Variants in RCL1 observed in about 807,000 individuals in gnomAD.
RCL1 encodes the protein RNA terminal phosphate cyclase like 1, also known as RNA 3'-terminal phosphate cyclase-like protein.
Under a neutral mutation model 42.4 loss-of-function variants are expected in RCL1, and 24 were observed. The ratio of observed to expected loss-of-function variants is 0.57; its 90% CI spans 0.41 to 0.80. The LOEUF (loss-of-function observed/expected upper bound fraction) is 0.80. Ranked by LOEUF, RCL1 falls within the 30% of genes least tolerant of loss-of-function variation. RCL1 has a pLI of 0.00. For synonymous variants in RCL1, 228 were observed against 177.3 expected, an observed-to-expected ratio of 1.29 and a Z score of -2.27; for missense variants, 578 against 467.9, an observed-to-expected ratio of 1.24 and a Z score of -2.17.
At chr9:4,796,118 C>G (rs1842909849) in intron 1 of RCL1, among the ~76,000 whole-genome samples, 1 of 152,090 alleles carries the variant, frequency 6.6e-6, no homozygotes, top group South Asian at 2.1e-4. Flanking sequence ...GTCGGGGGTA[C>G]ATGTGCATGT....
At chr9:4,808,426 G>C (rs1816056380) in intron 1 of RCL1, among the ~76,000 whole-genome samples, 1 of 151,894 alleles carries the variant, frequency 6.6e-6, no homozygotes, top group South Asian at 2.1e-4. Flanking sequence ...TCCTATTTCA[G>C]CCTCCCAAGT....
At chr9:4,834,578 A>C (rs1443371616) in intron 5 of RCL1, among the ~76,000 whole-genome samples, 1 of 151,146 alleles carries the variant, frequency 6.6e-6, no homozygotes, top group East Asian at 1.9e-4. Flanking sequence ...AATATACTGC[A>C]GTTCCTCCCT....
rs1818134961 is a variant in RCL1 at position 4,860,448 on chromosome 9, A to G, written c.*173A>G. ...GACATCCCTGTAGCATATGGTTTCC[A>G]GCTGTTTCTCCAGTGGCATTGCCAT... On this transcript the variant is annotated 3_prime_UTR_variant, in exon 9 of 9. Transcript: ENST00000381750. The G allele has an allele frequency of 1.4e-6, 1 of 726,386 alleles. No individual in the cohort carries two copies. Among genetic ancestry groups the G allele is most frequent in the South Asian group, 2.4e-5 (1 of 42,088 alleles). 45.0% of individuals were successfully genotyped at this position (726,386 alleles called of 1,614,324 possible). A position where few individuals can be genotyped will look rare whatever the true frequency, so the allele number is the denominator to read the frequency against.
Position 4,844,522 on chromosome 9 carries a change from C to T in RCL1, c.711-3C>T. 6.2e-7 allele frequency: 1 copy of T among 1,608,642 alleles called. No homozygotes were observed. The highest frequency in any genetic ancestry group is 8.5e-7 in the Non-Finnish European group (1 of 1,177,278). On this transcript the variant is annotated splice_region_variant and splice_polypyrimidine_tract_variant and intron_variant, in intron 6 of 8. Coordinates refer to ENST00000381750, the MANE Select transcript of RCL1 (RefSeq NM_005772.5). ...CTCAGTGTTTGTGCCTTTGTATCTC[C>T]AGGTCTCCGGGCTTTGGGTTGTCAC... is the stretch of plus-strand genomic sequence containing the variant.
intron 5 of RCL1, among the ~76,000 whole-genome samples, chr9:4,837,650 C>T (rs1817184884): frequency 6.6e-6 from 1 of 152,090 alleles, no homozygotes; most frequent in South Asian, 2.1e-4. Context: ...TGGTCGTGTC[C>T]TTTGATGATG....
At chr9:4,828,021 C>T (rs1816823088) in intron 3 of RCL1, among the ~76,000 whole-genome samples, 1 of 151,970 alleles carries the variant, frequency 6.6e-6, no homozygotes, top group African/African-American at 2.4e-5. Flanking sequence ...CCCGTCTCTA[C>T]TAAAAATACA....
chr9:4,849,543 C>G lies in RCL1; in HGVS notation c.964C>G (p.Pro322Ala). Residue 322 changes from proline (P) to alanine (A), a missense_variant, in exon 8 of 9, where the codon CCC becomes GCC. Transcript: ENST00000381750. The part of the protein sequence containing the change: ...VSKVLLGPLS[P>A]YTIEFLRHLK... ...CAAAGTCCTGCTAGGCCCTCTCTCT[C>G]CCTACACGTAAGTTATTCTTTTTCA... 6.2e-7 allele frequency: 1 copy of G among 1,609,308 alleles called. No individual in the cohort carries two copies. The highest frequency in any genetic ancestry group is 1.7e-4 in the Middle Eastern group (1 of 6,054).
At chr9:4,806,026 GTGTGTGTGTGTGTGTGTGTT>G (rs915527967) in intron 1 of RCL1, among the ~76,000 whole-genome samples, 1 of 134,710 alleles carries the variant, frequency 7.4e-6, no homozygotes, top group East Asian at 2.1e-4. Flanking sequence ...GGGTGTGTGT[GTGTGTGTGTGTGTGTGTGTT>G]TGTGTGTGTG....
chr9:4,798,112 A>G lies in RCL1; in HGVS notation c.136+4885A>G, dbSNP rs140651297. Among the ~76,000 whole-genome samples, 555 of 152,328 alleles carry G rather than the reference A, an allele frequency of 3.6e-3. 4 individuals are homozygous for G. Among genetic ancestry groups the G allele is most frequent in the African/African-American group, 0.013 (521 of 41,574 alleles). On this transcript the variant is annotated intron_variant, in intron 1 of 8. Transcript: ENST00000381750. The stretch of plus-strand genomic sequence containing the variant: ...CGTGTAGTGAGGGACAGAGCTGGAA[A>G]GAGAATGTGGCCAGCTCCTGCCTGA...
intron 1 of RCL1, among the ~76,000 whole-genome samples, chr9:4,812,144 C>T (rs1483007194): frequency 6.6e-6 from 1 of 151,998 alleles, no homozygotes; most frequent in Non-Finnish European, 1.5e-5. Flanking sequence ...AGCTTCACTC[C>T]AATGGTTTCC....
intron 1 of RCL1, 131 bp downstream of exon 1, chr9:4,793,358 C>A: frequency 2.9e-6 from 3 of 1,027,150 alleles, no homozygotes; most frequent in Non-Finnish European, 3.9e-6. Context: ...GGGCAGGTGG[C>A]GCGTCGCCTC....
rs188001776 is a variant in RCL1, at chr9:4,799,786, T to A, written c.136+6559T>A. Among the ~76,000 whole-genome samples, 240 of 152,222 alleles carry A rather than the reference T, an allele frequency of 1.6e-3. No individual in the cohort carries two copies. The Middle Eastern group carries it at 0.017, about 11-fold the overall frequency. ...TATTTTTTGTCACTACCTCCCTGGG[T>A]TGGGAGTGGGTAATTTGCATGCTTG... On this transcript the variant is annotated intron_variant, in intron 1 of 8. Transcript: ENST00000381750.
rs75298111 is a variant in RCL1 at position 4,834,459 on chromosome 9, G to A, written c.584+194G>A. On this transcript the variant is annotated intron_variant, in intron 5 of 8. Coordinates refer to ENST00000381750, the MANE Select transcript of RCL1 (RefSeq NM_005772.5). Reference sequence around the variant, plus strand: ...TTATCTGCCTCACCATGACTAGATTGATTGAGTCATTCTTTTTTTTTTTTT... The same window carrying A: ...TTATCTGCCTCACCATGACTAGATTAATTGAGTCATTCTTTTTTTTTTTTT... 1.4e-3 allele frequency among the ~76,000 whole-genome samples: 206 copies of A among 143,898 alleles called. 4 individuals are homozygous for A. In the East Asian group the frequency reaches 0.037, roughly 26 times the overall value. The allele number at this position is 143,898 out of a possible 152,430, so 94.4% of individuals were successfully genotyped here.
chr9:4,827,387 A>C, intron 3 of RCL1: 1 of 712,234 alleles, frequency 1.4e-6, no homozygotes, highest in Non-Finnish European at 2.2e-6. Context: ...GCTGGAGGGC[A>C]GCTGACCAAA....
In RCL1 at chr9:4,844,617, C is replaced by T. The variant is rs762931555; in HGVS notation, c.803C>T (p.Ala268Val). ...GCCTCCAACCCCCAGGGCCAGGGAG[C>T]AGCAGTACTTCCAGAGGACCTTGGC... is the stretch of plus-strand genomic sequence containing the variant. ...ELASNPQGQGAAVLPEDLGRN... is the reference protein window; with the variant it reads ...ELASNPQGQGVAVLPEDLGRN... Residue 268 changes from alanine to valine, a missense_variant, in exon 7 of 9, where the codon GCA becomes GTA. By Grantham distance (64) the Ala-to-Val change is moderately conservative. Transcript: ENST00000381750. 67 of 1,613,944 alleles carry T rather than the reference C, an allele frequency of 4.2e-5. No homozygotes were observed. The highest frequency in any genetic ancestry group is 1.7e-4 in the Middle Eastern group (1 of 6,050).
In RCL1 at chr9:4,841,337, G is replaced by C. The variant is rs749243435; in HGVS notation, c.690G>C (p.Met230Ile). 1 of 1,613,008 alleles carries C rather than the reference G, an allele frequency of 6.2e-7. No individual in the cohort carries two copies. The highest frequency in any genetic ancestry group is 2.2e-5 in the East Asian group (1 of 44,866). Reference sequence around the variant, plus strand: ...ATATCTATATTTACACAGATCACATGAAAGGAGTCAACTCTGGGAAGTAAG... The same window carrying C: ...ATATCTATATTTACACAGATCACATCAAAGGAGTCAACTCTGGGAAGTAAG... Reference protein sequence around the residue: ...IPDIYIYTDHMKGVNSGKSPG... With the variant: ...IPDIYIYTDHIKGVNSGKSPG... The change falls in exon 6 of 9, where the codon ATG becomes ATC. Residue 230 changes from methionine to isoleucine, a missense_variant. Physicochemically the swap from Met to Ile is conservative, Grantham distance 10. Coordinates refer to ENST00000381750, the MANE Select transcript of RCL1 (RefSeq NM_005772.5).
intron 1 of RCL1, among the ~76,000 whole-genome samples, chr9:4,817,059 C>T (rs1057105408): frequency 6.6e-6 from 1 of 152,150 alleles, no homozygotes; most frequent in African/African-American, 2.4e-5. Context: ...CCTTGTAATC[C>T]GCCTGCCTCG....
intron 8 of RCL1, among the ~76,000 whole-genome samples, chr9:4,858,831 A>G (rs1182222009): frequency 6.6e-6 from 1 of 152,200 alleles, no homozygotes; most frequent in Non-Finnish European, 1.5e-5. Context: ...GTAATACTTC[A>G]CTATAGATGT....
intron 6 of RCL1, among the ~76,000 whole-genome samples, chr9:4,842,933 G>T (rs921837976): frequency 2.0e-5 from 3 of 152,150 alleles, no homozygotes. Context: ...AGCTTATAGT[G>T]TGGCTTTTTG....
Sources: allele counts gnomAD v4.1 joint callset (sites outside exome capture counted in the v4.1 genomes callset), GRCh38; gene constraint gnomAD v4.1.1; transcripts MANE v1.5; gene names NCBI Gene and HGNC (gene_info 2026-07-23, HGNC 2026-07-21).